The following HS3ST2 variants were observed in gnomAD, a reference collection of about 807,000 sequenced individuals.
The protein encoded by HS3ST2 is heparan sulfate glucosamine 3-O-sulfotransferase 2.
Under a neutral mutation model 26.3 loss-of-function variants are expected in HS3ST2, and 17 were observed. That is an observed-to-expected ratio of 0.65 (90% CI 0.44 to 0.97). HS3ST2 has a LOEUF of 0.97. Ranked by LOEUF, HS3ST2 falls within the 50% of genes least tolerant of loss-of-function variation. The pLI, the probability that HS3ST2 is intolerant of heterozygous loss-of-function variation, is 0.00. For synonymous variants in HS3ST2, 237 were observed against 219.2 expected (o/e 1.08, Z -0.72); for missense variants, 402 against 501.2 (o/e 0.80, Z 1.89).
At chr16:22,859,280 G>A (rs1177214910) in intron 1 of HS3ST2, among the ~76,000 whole-genome samples, 1 of 152,170 alleles carries the variant, frequency 6.6e-6, no homozygotes, top group South Asian at 2.1e-4. Context: ...TTAGCGACTA[G>A]TATGAAGTAT....
At position 22,915,197 on chromosome 16, in the gene HS3ST2, G is replaced by A. The variant is rs1487168713; in HGVS notation, c.739G>A (p.Ala247Thr). ...TLGLVDVSWN[A>T]IRIGMYVLHL... ...GGGCCTGGTGGACGTGTCATGGAAC[G>A]CCATCCGCATCGGCATGTACGTGCT... Residue 247 changes from alanine (A) to threonine (T), a missense_variant, in exon 2 of 2, where the codon GCC (alanine) becomes ACC (threonine). Around this residue, in one of 2 missense-constraint regions of HS3ST2, gnomAD observed 237 missense variants for 346.6 expected, o/e 0.68. Transcript: ENST00000261374. 1.9e-6 allele frequency: 3 copies of A among 1,613,954 alleles called. No homozygotes were observed. The highest frequency in any genetic ancestry group is 2.2e-5 in the East Asian group (1 of 44,898).
At chr16:22,913,390 G>A (rs1902451557) in intron 1 of HS3ST2, among the ~76,000 whole-genome samples, 1 of 152,138 alleles carries the variant, frequency 6.6e-6, no homozygotes, top group African/African-American at 2.4e-5. Context: ...AGCAGAGCCA[G>A]GAAATTAAAA....
At chr16:22,827,352 G>A (rs1901103796) in intron 1 of HS3ST2, among the ~76,000 whole-genome samples, 1 of 152,174 alleles carries the variant, frequency 6.6e-6, no homozygotes, top group Non-Finnish European at 1.5e-5. Context: ...GCAAATGCAG[G>A]ACTATTGGCT....
intron 1 of HS3ST2, among the ~76,000 whole-genome samples, chr16:22,910,355 T>C (rs1902410616): frequency 6.6e-6 from 1 of 152,210 alleles, no homozygotes; most frequent in Non-Finnish European, 1.5e-5. Flanking sequence ...CAACAGCCCC[T>C]GTAGAATTTG....
chr16:22,904,039 G>C (rs1410263463), intron 1 of HS3ST2, among the ~76,000 whole-genome samples: 1 of 152,156 alleles, frequency 6.6e-6, no homozygotes, highest in African/African-American at 2.4e-5. Flanking sequence ...ATTGGATTTA[G>C]ATACCAGCTA....
At chr16:22,861,505 C>G (rs924855836) in intron 1 of HS3ST2, among the ~76,000 whole-genome samples, 2 of 151,966 alleles carry the variant, frequency 1.3e-5, no homozygotes, top group Admixed American at 1.3e-4. Context: ...GGAGGAGCCA[C>G]CATCCCCAGG....
At chr16:22,877,529 A>C (rs900383070) in intron 1 of HS3ST2, among the ~76,000 whole-genome samples, 20 of 152,296 alleles carry the variant, frequency 1.3e-4, no homozygotes, top group African/African-American at 4.6e-4. Context: ...GGCTCATGAG[A>C]TTCTCACTTG....
chr16:22,866,719 G>C (rs2055397987), intron 1 of HS3ST2, among the ~76,000 whole-genome samples: 1 of 152,072 alleles, frequency 6.6e-6, no homozygotes, highest in Admixed American at 6.6e-5. Flanking sequence ...TAGTATCACT[G>C]TGGTGATTGT....
At chr16:22,849,647 CAGAAAA>C (rs1901492232) in intron 1 of HS3ST2, among the ~76,000 whole-genome samples, 1 of 152,212 alleles carries the variant, frequency 6.6e-6, no homozygotes, top group African/African-American at 2.4e-5. Context: ...AAGGTCATCA[CAGAAAA>C]AGAAAAGGAA....
At chr16:22,844,780 G>A (rs1901406886) in intron 1 of HS3ST2, among the ~76,000 whole-genome samples, 1 of 151,958 alleles carries the variant, frequency 6.6e-6, no homozygotes, top group Non-Finnish European at 1.5e-5. Context: ...TGATTGTAAA[G>A]CTTCCTGAGG....
intron 1 of HS3ST2, among the ~76,000 whole-genome samples, chr16:22,817,066 C>G (rs2141172206): frequency 6.6e-6 from 1 of 152,244 alleles, no homozygotes. Context: ...TGATTCTAAG[C>G]AAGCTTAGCT....
chr16:22,855,524 A>AC (rs1183084126), intron 1 of HS3ST2, among the ~76,000 whole-genome samples: 1 of 152,126 alleles, frequency 6.6e-6, no homozygotes, highest in African/African-American at 2.4e-5. Context: ...TGCAACTGCC[A>AC]CGCCCCTGCT....
At chr16:22,838,732 G>A (rs1567484111) in intron 1 of HS3ST2, among the ~76,000 whole-genome samples, 1 of 152,208 alleles carries the variant, frequency 6.6e-6, no homozygotes, top group African/African-American at 2.4e-5. Flanking sequence ...GTGAAGGCAG[G>A]CAGTCGATGA....
chr16:22,907,836 A>C (rs1402553766), intron 1 of HS3ST2, among the ~76,000 whole-genome samples: 1 of 152,298 alleles, frequency 6.6e-6, no homozygotes, highest in East Asian at 1.9e-4. Flanking sequence ...CAGGAGGATC[A>C]CATAGAATGA....
intron 1 of HS3ST2, among the ~76,000 whole-genome samples, chr16:22,840,843 T>C (rs1901341603): frequency 6.6e-6 from 1 of 152,178 alleles, no homozygotes; most frequent in African/African-American, 2.4e-5. Context: ...CTTTAAGTTT[T>C]AGGGTACATG....
At position 22,915,801 on chromosome 16, in the gene HS3ST2, T is replaced by C. The variant is rs150768567; in HGVS notation, c.*239T>C. The C allele has an allele frequency of 1.7e-4, 90 of 531,718 alleles. 1 individual carries two copies. The East Asian group carries it at 2.8e-3, about 16-fold the overall frequency. 32.9% of individuals were successfully genotyped at this position (531,718 alleles called of 1,614,324 possible). On this transcript the variant is annotated 3_prime_UTR_variant, in exon 2 of 2. Transcript: ENST00000261374. ...TCTGCTCCTGGCACGTCCAGTAAATTCCAGAATCATTCTCCTTTCTGCCCA... is the reference window on the plus strand; with the variant it reads ...TCTGCTCCTGGCACGTCCAGTAAATCCCAGAATCATTCTCCTTTCTGCCCA...
At chr16:22,869,191 A>T (rs568842168) in intron 1 of HS3ST2, among the ~76,000 whole-genome samples, 3 of 152,104 alleles carry the variant, frequency 2.0e-5, no homozygotes, top group Non-Finnish European at 2.9e-5. Flanking sequence ...TCTCTTCCTG[A>T]TAGAGACCTC....
At chr16:22,859,211 C>T (rs1346059737) in intron 1 of HS3ST2, among the ~76,000 whole-genome samples, 3 of 152,114 alleles carry the variant, frequency 2.0e-5, no homozygotes, top group East Asian at 1.9e-4. Flanking sequence ...TTTCTATTTC[C>T]CTGCCCAGTT....
chr16:22,842,459 C>T (rs897720437), intron 1 of HS3ST2, among the ~76,000 whole-genome samples: 3 of 151,964 alleles, frequency 2.0e-5, no homozygotes, highest in Non-Finnish European at 4.4e-5. Context: ...AACTAGTCAC[C>T]GTGTTGTACA....
Sources: allele counts gnomAD v4.1 joint callset (sites outside exome capture counted in the v4.1 genomes callset), GRCh38; gene constraint gnomAD v4.1.1; regional missense constraint gnomAD v4.1.1; transcripts MANE v1.5; gene names NCBI Gene and HGNC (gene_info 2026-07-23, HGNC 2026-07-21).